The following TDRD12 variants were observed in gnomAD, a reference collection of about 807,000 sequenced individuals.
TDRD12 encodes tudor domain containing 12, also known as putative ATP-dependent RNA helicase TDRD12.
In TDRD12, 158 loss-of-function variants were observed where a neutral mutation model predicts 133.5. The ratio of observed to expected loss-of-function variants is 1.18; its 90% CI spans 1.04 to 1.35. The LOEUF is 1.35. TDRD12 is among the 40% of genes most tolerant of loss of function. The probability of loss-of-function intolerance (pLI) is 0.00; values close to 1 mark genes in which losing one functional copy is unlikely to be tolerated. For synonymous variants in TDRD12, 460 were observed against 477.9 expected, an observed-to-expected ratio of 0.96 and a Z score of 0.49; for missense variants, 1,443 against 1,321.3, an observed-to-expected ratio of 1.09 and a Z score of -1.43.
intron 3 of TDRD12, among the ~76,000 whole-genome samples, chr19:32,741,578 A>C (rs1356579086): frequency 2.0e-5 from 3 of 152,136 alleles, no homozygotes; most frequent in Non-Finnish European, 4.4e-5. Flanking sequence ...TTTTACATTT[A>C]GTTTGTTTTG....
exon 10 of TDRD12, chr19:32,827,762 T>A (rs1022904101): frequency 6.6e-6 from 1 of 152,236 alleles, no homozygotes; most frequent in East Asian, 1.9e-4. Context: ...AAATTCTTCA[T>A]TGACTTAAAA....
chr19:32,766,087 T>C (rs1970288591), intron 8 of TDRD12, among the ~76,000 whole-genome samples: 1 of 152,198 alleles, frequency 6.6e-6, no homozygotes, highest in African/African-American at 2.4e-5. Flanking sequence ...TATGTCCTTT[T>C]AGTTTTAACC....
rs939618687 is a variant in TDRD12 at position 32,742,903 on chromosome 19, A to C, written c.440+3A>C. The C allele has an allele frequency of 2.1e-5, 33 of 1,550,386 alleles. No individual in the cohort carries two copies. Among genetic ancestry groups the C allele is most frequent in the Non-Finnish European group, 2.7e-5 (31 of 1,146,728 alleles). ...TGCCGAGACAGTACTGACATTGTGT[A>C]AGTACAGTTTCTTAAGTCCTTCGAA... On this transcript the variant is annotated splice_donor_region_variant and intron_variant, in intron 4 of 27. Coordinates refer to ENST00000444215, the Ensembl canonical transcript of TDRD12.
intron 3 of TDRD12, among the ~76,000 whole-genome samples, chr19:32,741,468 C>T (rs1292162995): frequency 6.6e-6 from 1 of 152,208 alleles, no homozygotes; most frequent in East Asian, 1.9e-4. Context: ...AGAGTAGGTG[C>T]CATTCGAGCT....
chr19:32,762,031 CTT>C (rs1482720240), intron 8 of TDRD12, among the ~76,000 whole-genome samples: 1 of 151,766 alleles, frequency 6.6e-6, no homozygotes, highest in African/African-American at 2.4e-5. Flanking sequence ...TTTAAATTGA[CTT>C]TTTTGTCCTC....
intron 6 of TDRD12, among the ~76,000 whole-genome samples, chr19:32,750,606 G>A (rs754563556): frequency 9.9e-5 from 15 of 152,142 alleles, no homozygotes; most frequent in Non-Finnish European, 2.1e-4. Context: ...CTGCAGGCAG[G>A]TGAATGTTGA....
At chr19:32,808,642 T>G (rs1966896787) in intron 22 of TDRD12, among the ~76,000 whole-genome samples, 1 of 152,206 alleles carries the variant, frequency 6.6e-6, no homozygotes. Flanking sequence ...ACAGTGAGCT[T>G]GGGGGTTAGG....
intron 11 of TDRD12, among the ~76,000 whole-genome samples, chr19:32,789,634 G>A (rs1172564260): frequency 2.0e-5 from 3 of 152,102 alleles, no homozygotes; most frequent in African/African-American, 4.8e-5. Context: ...ATTCCATTGC[G>A]TGCATGGAGT....
chr19:32,729,194 T>A (rs1345914715), intron 1 of TDRD12, among the ~76,000 whole-genome samples: 1 of 147,308 alleles, frequency 6.8e-6, no homozygotes, highest in East Asian at 2.0e-4. Context: ...TTCTGGTGAC[T>A]GCTTTTTCTT....
chr19:32,801,898 A>G (rs1018260286), intron 19 of TDRD12, 25 bp downstream of exon 19: 25 of 909,756 alleles, frequency 2.7e-5, no homozygotes, highest in Non-Finnish European at 3.5e-5. Context: ...TTCTACTTCT[A>G]TTTAGTGAAG....
At chr19:32,782,138 C>T (rs1016508172) in intron 11 of TDRD12, among the ~76,000 whole-genome samples, 14 of 150,624 alleles carry the variant, frequency 9.3e-5, no homozygotes, top group African/African-American at 3.2e-4. Flanking sequence ...CCCCACAGGC[C>T]CCAGTGTGTG....
chr19:32,821,009 T>C (rs1234204214), intron 27 of TDRD12, 24 bp from the exon 28 acceptor site: 9 of 1,530,222 alleles, frequency 5.9e-6, no homozygotes, highest in Non-Finnish European at 7.0e-6. Flanking sequence ...GAGCCAGGTG[T>C]TAACCCCTGC....
chr19:32,761,449 CTT>C (rs1428742982), intron 8 of TDRD12, among the ~76,000 whole-genome samples: 4 of 152,010 alleles, frequency 2.6e-5, no homozygotes, highest in African/African-American at 9.7e-5. Context: ...TTTCTTTAGT[CTT>C]TCCTCTGGAA....
intron 3 of TDRD12, among the ~76,000 whole-genome samples, chr19:32,739,336 A>T (rs1211238583): frequency 2.8e-5 from 4 of 144,222 alleles, no homozygotes; most frequent in African/African-American, 5.1e-5. Flanking sequence ...TCTCCTGGCT[A>T]CTCTGCATCT....
At chr19:32,777,643 T>G (rs1251542880) in intron 11 of TDRD12, among the ~76,000 whole-genome samples, 1 of 151,336 alleles carries the variant, frequency 6.6e-6, no homozygotes, top group East Asian at 1.9e-4. Flanking sequence ...GTAAAATATT[T>G]ACATAGCAAT....
At chr19:32,827,367 C>CTTTTCTTTTA in exon 10 of TDRD12, 5 of 256,404 alleles carry the variant, frequency 2.0e-5, no homozygotes, top group African/African-American at 4.6e-5. Context: ...TTTTTCTTTT[C>CTTTTCTTTTA]TTTTCTTTTT....
At chr19:32,787,438 A>G (rs568154891) in intron 11 of TDRD12, among the ~76,000 whole-genome samples, 1 of 152,258 alleles carries the variant, frequency 6.6e-6, no homozygotes, top group South Asian at 2.1e-4. Flanking sequence ...TGCTGGGAGA[A>G]CCACTGCTCT....
chr19:32,801,318 T>C (rs777942880), intron 18 of TDRD12, among the ~76,000 whole-genome samples: 20 of 152,110 alleles, frequency 1.3e-4, no homozygotes, highest in Non-Finnish European at 2.4e-4. Context: ...ATTTTGTACA[T>C]ATTAGTGCTA....
intron 3 of TDRD12, among the ~76,000 whole-genome samples, chr19:32,741,799 G>A (rs915807782): frequency 1.3e-5 from 2 of 152,168 alleles, no homozygotes; most frequent in Non-Finnish European, 2.9e-5. Context: ...TGTAATCCCA[G>A]CACTTTGGAA....
Sources: gnomAD v4.1 joint callset for allele counts (sites outside exome capture counted in the v4.1 genomes callset) on GRCh38, gnomAD v4.1.1 for gene constraint, MANE v1.5 for transcripts, NCBI Gene and HGNC (gene_info 2026-07-23, HGNC 2026-07-21) for gene names.